The following PDE4D variants were observed in gnomAD, a reference collection of about 807,000 sequenced individuals.
The protein encoded by PDE4D is phosphodiesterase 4D, also known as 3',5'-cyclic-AMP phosphodiesterase 4D.
PDE4D carries 24 observed loss-of-function variants against 87.4 expected under a neutral mutation model. The observed-to-expected ratio is 0.27, with a 90% confidence interval of 0.20 to 0.39. The LOEUF is 0.39. PDE4D is among the 10% of genes least tolerant of loss of function. PDE4D has a pLI of 1.00. For missense variants in PDE4D, 714 were observed against 1,041.0 expected, an observed-to-expected ratio of 0.69 and a Z score of 4.32; for synonymous variants, 384 against 383.2, an observed-to-expected ratio of 1.00 and a Z score of -0.02.
chr5:59,317,467 A>C (rs896061125), intron 1 of PDE4D, among the ~76,000 whole-genome samples: 1 of 152,150 alleles, frequency 6.6e-6, no homozygotes, highest in African/African-American at 2.4e-5. Flanking sequence ...TTTTATTACA[A>C]GACCTATTTC....
chr5:59,633,859 T>C (rs1021043132), intron 1 of PDE4D, among the ~76,000 whole-genome samples: 11 of 152,128 alleles, frequency 7.2e-5, no homozygotes, highest in African/African-American at 2.4e-5. Flanking sequence ...GCTAGCATCA[T>C]AATGACAGGA....
intron 5 of PDE4D, among the ~76,000 whole-genome samples, chr5:59,088,459 C>A (rs1344308080): frequency 6.6e-6 from 1 of 152,012 alleles, no homozygotes; most frequent in Non-Finnish European, 1.5e-5. Flanking sequence ...GGTATATGCC[C>A]AAAGGAATAT....
intron 2 of PDE4D, among the ~76,000 whole-genome samples, chr5:60,036,369 G>A (rs1045395740): frequency 1.3e-5 from 2 of 152,118 alleles, no homozygotes; most frequent in African/African-American, 4.8e-5. Context: ...TTAAAATCCA[G>A]TCCCCTGGTT....
chr5:59,275,658 T>G lies in PDE4D; in HGVS notation c.456-59690A>C, dbSNP rs1764661950. 3.4e-6 allele frequency: 4 copies of G among 1,187,978 alleles called. No individual in the cohort carries two copies. In the South Asian group the frequency reaches 1.3e-4, roughly 39 times the overall value. The allele number at this position is 1,187,978 out of a possible 1,614,324, so 73.6% of individuals were successfully genotyped here. A position where few individuals can be genotyped will look rare whatever the true frequency, so the allele number is the denominator to read the frequency against. On this transcript the variant is annotated intron_variant, in intron 1 of 14. Coordinates refer to ENST00000340635, the MANE Select transcript of PDE4D (RefSeq NM_001104631.2). The stretch of plus-strand genomic sequence containing the variant: ...TTAGGAAGTGACAGTTTCTTCTGTG[T>G]CTTGCAATGCCAAGGGAGGAACTGA...
intron 1 of PDE4D, among the ~76,000 whole-genome samples, chr5:59,592,813 T>C (rs1296377030): frequency 1.3e-5 from 2 of 152,086 alleles, no homozygotes; most frequent in Non-Finnish European, 2.9e-5. Context: ...GTCAAATGTG[T>C]ATACCATCTT....
chr5:60,276,875 T>C (rs1300509588), intron 1 of PDE4D, among the ~76,000 whole-genome samples: 1 of 152,082 alleles, frequency 6.6e-6, no homozygotes, highest in Non-Finnish European at 1.5e-5. Context: ...TTTTCTGTGA[T>C]TAATATTTAT....
chr5:59,385,842 A>G (rs1285820960), intron 1 of PDE4D, among the ~76,000 whole-genome samples: 1 of 152,002 alleles, frequency 6.6e-6, no homozygotes, highest in Admixed American at 6.5e-5. Context: ...AACACCCTGC[A>G]TCCCAATCTC....
intron 1 of PDE4D, among the ~76,000 whole-genome samples, chr5:59,575,778 A>G (rs536847834): frequency 2.0e-5 from 3 of 152,318 alleles, no homozygotes; most frequent in Non-Finnish European, 4.4e-5. Flanking sequence ...TGTGCTAAGA[A>G]CAGAGAATCT....
intron 1 of PDE4D, chr5:60,448,572 A>G (rs931262105): frequency 5.3e-5 from 8 of 152,144 alleles, no homozygotes; most frequent in Non-Finnish European, 1.0e-4. Flanking sequence ...GAAGATGTCC[A>G]TTTGGTTTTC....
intron 1 of PDE4D, among the ~76,000 whole-genome samples, chr5:59,541,182 T>G (rs186761535): frequency 1.1e-4 from 17 of 152,320 alleles, no homozygotes; most frequent in African/African-American, 3.6e-4. Context: ...TTTATCTCTA[T>G]AATTTACAAT....
intron 1 of PDE4D, among the ~76,000 whole-genome samples, chr5:60,316,393 G>A (rs189611778): frequency 1.0e-3 from 159 of 152,210 alleles, no homozygotes; most frequent in Non-Finnish European, 1.5e-3. Flanking sequence ...GGGCTGAGAC[G>A]ATGGGGTTTT....
intron 5 of PDE4D, among the ~76,000 whole-genome samples, chr5:59,070,976 G>T (rs1288350846): frequency 1.3e-5 from 2 of 152,108 alleles, no homozygotes; most frequent in East Asian, 3.9e-4. Context: ...TGGTGAGCAC[G>T]TTTTCCAGTA....
intron 1 of PDE4D, among the ~76,000 whole-genome samples, chr5:59,694,052 T>C (rs1751382669): frequency 6.6e-6 from 1 of 152,214 alleles, no homozygotes. Context: ...GTCATATTTA[T>C]TCACTAGATT....
rs1378742162 is a variant in PDE4D at position 59,396,879 on chromosome 5, T to G, written c.456-180911A>C. On this transcript the variant is annotated intron_variant, in intron 1 of 14. Coordinates refer to ENST00000340635, the MANE Select transcript of PDE4D (RefSeq NM_001104631.2). The stretch of plus-strand genomic sequence containing the variant: ...CACACATAGGCTCAAAATAAAAGGA[T>G]GGAGGAAGATCTACCAAGCAAATGG... Among the ~76,000 whole-genome samples, 19 of 113,696 alleles carry G rather than the reference T, an allele frequency of 1.7e-4. 7 individuals are homozygous for G. Among genetic ancestry groups the G allele is most frequent in the African/African-American group, 6.5e-4 (18 of 27,714 alleles). The allele number at this position is 113,696 out of a possible 152,430, so 74.6% of individuals were successfully genotyped here.
At chr5:60,108,882 T>C (rs377257514) in intron 2 of PDE4D, among the ~76,000 whole-genome samples, 1 of 151,934 alleles carries the variant, frequency 6.6e-6, no homozygotes, top group African/African-American at 2.4e-5. Flanking sequence ...AAGACTTAAA[T>C]GTTAGACCTA....
At chr5:59,531,945 CA>C in intron 1 of PDE4D, among the ~76,000 whole-genome samples, 1 of 152,266 alleles carries the variant, frequency 6.6e-6, no homozygotes, top group African/African-American at 2.4e-5. Context: ...ATGTAAGCTC[CA>C]AAAGGTCACA....
At chr5:60,191,766 G>A (rs990646785) in intron 1 of PDE4D, among the ~76,000 whole-genome samples, 3 of 152,158 alleles carry the variant, frequency 2.0e-5, no homozygotes, top group Non-Finnish European at 4.4e-5. Context: ...GGAGACCAAG[G>A]CAGGTGGATC....
chr5:58,997,589 C>T (rs1017746936), intron 6 of PDE4D, among the ~76,000 whole-genome samples: 4 of 151,906 alleles, frequency 2.6e-5, no homozygotes, highest in African/African-American at 9.7e-5. Context: ...TTTAAGTGAC[C>T]TCTAAATATT....
intron 1 of PDE4D, among the ~76,000 whole-genome samples, chr5:59,241,829 A>G (rs776507186): frequency 1.6e-4 from 24 of 152,186 alleles, no homozygotes; most frequent in Non-Finnish European, 2.9e-4. Context: ...ACATTTTGAA[A>G]TGACTAAAAT....
Sources: allele counts gnomAD v4.1 joint callset (sites outside exome capture counted in the v4.1 genomes callset), GRCh38; gene constraint gnomAD v4.1.1; transcripts MANE v1.5; gene names NCBI Gene and HGNC (gene_info 2026-07-23, HGNC 2026-07-21).